Variants in LDHD observed in about 807,000 individuals in gnomAD.
The protein encoded by LDHD is D-lactate dehydrogenase, mitochondrial.
Under a neutral mutation model 52.9 loss-of-function variants are expected in LDHD, and 58 were observed. The observed-to-expected ratio is 1.10, with a 90% CI of 0.89 to 1.36. LDHD has a LOEUF of 1.36. LDHD is among the 40% of genes most tolerant of loss of function. The pLI, the probability that LDHD is intolerant of heterozygous loss-of-function variation, is 0.00. For synonymous variants in LDHD, 350 were observed against 288.6 expected, an observed-to-expected ratio of 1.21 and a Z score of -2.16; for missense variants, 747 against 668.0, an observed-to-expected ratio of 1.12 and a Z score of -1.30.
intron 2 of LDHD, 103 bp downstream of exon 2, chr16:75,115,445 C>A: frequency 1.9e-6 from 3 of 1,583,308 alleles, no homozygotes; most frequent in Admixed American, 3.4e-5. Flanking sequence ...CATGCCAGAG[C>A]ACCCCAAAAC....
chr16:75,112,730 C>T lies in LDHD; in HGVS notation c.1178-17G>A, dbSNP rs1457040432. The T allele has an allele frequency of 1.2e-6, 2 of 1,610,374 alleles. No individual in the cohort carries two copies. The highest frequency in any genetic ancestry group is 1.3e-5 in the African/African-American group (1 of 74,868). ...CAATGCTTCCTGGGGGCCCAGAGGA[C>T]AGAACTATTCTCCAGCCCAGTCCTC... On this transcript the variant is annotated splice_polypyrimidine_tract_variant and intron_variant, in intron 9 of 10. Coordinates refer to ENST00000450168, the MANE Select transcript of LDHD (RefSeq NM_194436.3).
At chr16:75,115,941 T>TA (rs11422701) in intron 1 of LDHD, among the ~76,000 whole-genome samples, 116,247 of 152,026 alleles carry the variant, frequency 0.76, 45,863 homozygotes, top group Non-Finnish European at 0.87. Context: ...AACAGGGTCT[T>TA]ACTATGTTGC....
chr16:75,112,813 C>A (rs34195333), intron 9 of LDHD, 21 bp downstream of exon 9: 3 of 1,608,266 alleles, frequency 1.9e-6, no homozygotes, highest in South Asian at 1.1e-5. Context: ...CACCTCTCCC[C>A]AGCAGCAGGG....
intron 1 of LDHD, among the ~76,000 whole-genome samples, chr16:75,115,892 C>A (rs939158302): frequency 1.3e-5 from 2 of 151,756 alleles, no homozygotes; most frequent in East Asian, 1.9e-4. Context: ...CAGAAAAAAA[C>A]GCCACCAGAA....
chr16:75,115,215 C>T lies in LDHD; in HGVS notation c.310G>A (p.Gly104Ser), dbSNP rs893327826. The T allele has an allele frequency of 5.0e-6, 8 of 1,612,814 alleles. No homozygotes were observed. The highest frequency in any genetic ancestry group is 1.3e-5 in the African/African-American group (1 of 74,926). ...CACTGTACCTGCACAGCACAGACGC[C>T]ACCCTCAAGCCCGGTGCCGGTGCCG... ...PFGTGTGLEG[G>S]VCAVQGGVCV... is the part of the protein sequence containing the mutation. Residue 104 changes from glycine (G) to serine (S), a missense_variant, in exon 3 of 11, where the codon GGC (glycine) becomes AGC (serine). Transcript: ENST00000450168.
At position 75,114,136 on chromosome 16, in the gene LDHD, C is replaced by G. The variant is rs2036480300; in HGVS notation, c.659G>C (p.Gly220Ala). 4.3e-6 allele frequency: 7 copies of G among 1,612,878 alleles called. No individual in the cohort carries two copies. In the East Asian group the frequency reaches 1.6e-4, roughly 36 times the overall value. Reference sequence around the variant, plus strand: ...CGTCCCCTCGGAGCCCACGAAGAGCCCCGTGAGGTTGTAGCCGGCTGCACT... The same window carrying G: ...CGTCCCCTCGGAGCCCACGAAGAGCGCCGTGAGGTTGTAGCCGGCTGCACT... ...RKSAAGYNLT[G>A]LFVGSEGTLG... Residue 220 changes from glycine (G) to alanine (A), a missense_variant, in exon 6 of 11, where the codon GGG (glycine) becomes GCG (alanine). Coordinates refer to ENST00000450168, the MANE Select transcript of LDHD (RefSeq NM_194436.3).
chr16:75,113,554 G>A lies in LDHD; in HGVS notation c.1067C>T (p.Ala356Val). The A allele has an allele frequency of 5.0e-6, 8 of 1,611,582 alleles. No homozygotes were observed. The highest frequency in any genetic ancestry group is 6.8e-6 in the Non-Finnish European group (8 of 1,179,158). ...ARHNAWYAAL[A>V]TRPGCKGYST... is the part of the protein sequence containing the mutation. ...GCTCACCTTGCAGCCTGGCCGCGTG[G>A]CCAGGGCTGCGTACCAGGCATTGTG... is the stretch of plus-strand genomic sequence containing the variant. The change falls in exon 8 of 11, where the codon GCC becomes GTC. Residue 356 changes from alanine (A) to valine (V), a missense_variant. Physicochemically the swap from Ala to Val is moderately conservative, Grantham distance 64. Coordinates refer to ENST00000450168, the MANE Select transcript of LDHD (RefSeq NM_194436.3).
chr16:75,115,613 G>T lies in LDHD; in HGVS notation c.120C>A (p.Gly40=). The change falls in exon 2 of 11, where the codon GGC becomes GGA. Residue 40 remains glycine (G), a synonymous_variant. Coordinates refer to ENST00000450168, the MANE Select transcript of LDHD (RefSeq NM_194436.3). ...CCGCGGCAGTGGACACGTGGGAGCC[G>T]CCCACCACGGCCTTCAGAGCCTCTA... is the stretch of plus-strand genomic sequence containing the variant. ...DFVEALKAVV[G]GSHVSTAAVV... is the part of the protein sequence containing the mutation. 6.2e-7 allele frequency: 1 copy of T among 1,612,264 alleles called. No individual in the cohort carries two copies. The highest frequency in any genetic ancestry group is 1.1e-5 in the South Asian group (1 of 90,976).
chr16:75,112,775 C>T, intron 9 of LDHD, 59 bp downstream of exon 9: 1 of 1,600,386 alleles, frequency 6.2e-7, no homozygotes, highest in East Asian at 2.2e-5. Flanking sequence ...CCTGCTGCCC[C>T]AGGCTCTGAT....
Position 75,112,495 on chromosome 16 carries a change from C to T in LDHD, c.1316G>A (p.Cys439Tyr), listed in dbSNP as rs2036418037. ...GRRALALHGT[C>Y]TGEHGIGMGK... ...CATTCCGATGCCATGCTCCCCCGTG[C>T]ACGTTCCGTGGAGAGCCAGTGCCCG... The change falls in exon 11 of 11, where the codon TGC becomes TAC. Residue 439 changes from cysteine (C) to tyrosine (Y), a missense_variant. Physicochemically the swap from Cys to Tyr is radical, Grantham distance 194 (BLOSUM62 -2). Transcript: ENST00000450168. 2 of 1,613,386 alleles carry T rather than the reference C, an allele frequency of 1.2e-6. No homozygotes were observed. The highest frequency in any genetic ancestry group is 1.7e-6 in the Non-Finnish European group (2 of 1,179,960).
rs1362948415 is a variant in LDHD, at chr16:75,113,661, C to A, written c.960G>T (p.Glu320Asp). The change falls in exon 8 of 11, where the codon GAG (glutamate) becomes GAT (aspartate). Residue 320 changes from glutamate to aspartate, a missense_variant and splice_region_variant. Glu to Asp is a conservative substitution (Grantham distance 45, BLOSUM62 2). Transcript: ENST00000450168. The stretch of plus-strand genomic sequence containing the variant: ...AGGCTCCGTTCTGCTGGACTATCTC[C>A]TCTGCAGTTGGGGAAGGGGGGCTGA... ...QALEEQLQRT[E>D]EIVQQNGASD... 1.2e-6 allele frequency: 2 copies of A among 1,613,306 alleles called. No homozygotes were observed. The highest frequency in any genetic ancestry group is 1.7e-6 in the Non-Finnish European group (2 of 1,179,974).
intron 1 of LDHD, among the ~76,000 whole-genome samples, chr16:75,116,356 G>C (rs892319090): frequency 1.3e-5 from 2 of 152,204 alleles, no homozygotes; most frequent in African/African-American, 4.8e-5. Context: ...GTTAAGGACA[G>C]AGCCTGGCCT....
chr16:75,116,548 G>A, intron 1 of LDHD, 101 bp downstream of exon 1: 1 of 964,934 alleles, frequency 1.0e-6, no homozygotes, highest in Non-Finnish European at 1.6e-6. Flanking sequence ...CAGGTCACTT[G>A]GTGCTGGGGC....
chr16:75,114,886 C>T lies in LDHD; in HGVS notation c.410G>A (p.Gly137Asp), dbSNP rs1341401801. 6.2e-7 allele frequency: 1 copy of T among 1,613,914 alleles called. No homozygotes were observed. Among genetic ancestry groups the T allele is most frequent in the African/African-American group, 1.3e-5 (1 of 74,940 alleles). Reference sequence around the variant, plus strand: ...GGCGTTGAGGGCTTTGCGGGTGACACCTGGCTCCACCACCACAGAGAAGTC... The same window carrying T: ...GGCGTTGAGGGCTTTGCGGGTGACATCTGGCTCCACCACCACAGAGAAGTC... ...QEDFSVVVEP[G>D]VTRKALNAHL... Residue 137 changes from glycine (G) to aspartate (D), a missense_variant, in exon 4 of 11, where the codon GGT (glycine) becomes GAT (aspartate). Coordinates refer to ENST00000450168, the MANE Select transcript of LDHD (RefSeq NM_194436.3).
intron 8 of LDHD, among the ~76,000 whole-genome samples, chr16:75,113,291 G>C (rs1026691697): frequency 1.3e-5 from 2 of 152,290 alleles, no homozygotes; most frequent in Admixed American, 6.5e-5. Context: ...GCACCGCACC[G>C]TTCCCATGAC....
At position 75,116,778 on chromosome 16, in the gene LDHD, T is replaced by G; in HGVS notation, c.-58A>C. The G allele has an allele frequency of 1.7e-6, 2 of 1,202,548 alleles. No homozygotes were observed. Among genetic ancestry groups the G allele is most frequent in the Non-Finnish European group, 2.3e-6 (2 of 860,480 alleles). The allele number at this position is 1,202,548 out of a possible 1,614,324, so 74.5% of individuals were successfully genotyped here. On this transcript the variant is annotated 5_prime_UTR_variant, in exon 1 of 11. Transcript: ENST00000450168. ...GGTGGCAGGGTGACCAGTCAGCTACTGTGGCAGCAGCTACTGCTGCTGTCA... is the reference window on the plus strand; with the variant it reads ...GGTGGCAGGGTGACCAGTCAGCTACGGTGGCAGCAGCTACTGCTGCTGTCA...
intron 1 of LDHD, among the ~76,000 whole-genome samples, chr16:75,116,433 G>A (rs80303707): frequency 6.6e-6 from 1 of 152,156 alleles, no homozygotes; most frequent in Admixed American, 6.5e-5. Context: ...GCATCCATTT[G>A]ACTCCCCCAG....
rs954688542 is a variant in LDHD, at chr16:75,115,401, G to A, written c.186-62C>T. ...CACCCTCTGGTCCCGAGGTGTTGCA[G>A]GGCCTGAGGCTACAGCAAGCGAGGG... On this transcript the variant is annotated intron_variant, in intron 2 of 10. Coordinates refer to ENST00000450168, the MANE Select transcript of LDHD (RefSeq NM_194436.3). 8 of 1,606,524 alleles carry A rather than the reference G, an allele frequency of 5.0e-6. No individual in the cohort carries two copies. In the African/African-American group the frequency reaches 9.4e-5, roughly 19 times the overall value.
At position 75,112,903 on chromosome 16, in the gene LDHD, C is replaced by G; in HGVS notation, c.1108G>C (p.Val370Leu). Residue 370 changes from valine to leucine, a missense_variant, in exon 9 of 11, where the codon GTG (valine) becomes CTG (leucine). By Grantham distance (32) the Val-to-Leu change is conservative (BLOSUM62 1). Coordinates refer to ENST00000450168, the MANE Select transcript of LDHD (RefSeq NM_194436.3). ...ATCTCCGGCAGCCGGGAGATGGGCA[C>G]ACACACATCCGTGGAGTAGCCCTGG... ...GCKGYSTDVC[V>L]PISRLPEIVV... The G allele has an allele frequency of 1.9e-6, 3 of 1,612,302 alleles. No homozygotes were observed. Among genetic ancestry groups the G allele is most frequent in the Non-Finnish European group, 1.7e-6 (2 of 1,179,852 alleles).
Sources: allele counts gnomAD v4.1 joint callset (sites outside exome capture counted in the v4.1 genomes callset), GRCh38; gene constraint gnomAD v4.1.1; transcripts MANE v1.5; gene names NCBI Gene and HGNC (gene_info 2026-07-23, HGNC 2026-07-21).